PCDH11X: variants seen among roughly 807,000 people sequenced by gnomAD.
PCDH11X encodes protocadherin-11 X-linked.
A neutral mutation model predicts 53.3 loss-of-function variants in PCDH11X; 18 were observed. The ratio of observed to expected loss-of-function variants is 0.34; its 90% CI spans 0.23 to 0.50. The LOEUF is 0.50. PCDH11X is among the 20% of genes least tolerant of loss of function. The pLI, the probability that PCDH11X is intolerant of heterozygous loss-of-function variation, is 0.98. For missense variants in PCDH11X, 570 were observed against 1,032.4 expected, an observed-to-expected ratio of 0.55 and a Z score of 6.14; for synonymous variants, 279 against 393.3, an observed-to-expected ratio of 0.71 and a Z score of 3.44.
chrX:91,851,073 T>G (rs1315585579), intron 5 of PCDH11X, among the ~76,000 whole-genome samples: 2 of 109,360 alleles, frequency 1.8e-5, no homozygotes, highest in African/African-American at 6.6e-5. Flanking sequence ...CCTATTGTGT[T>G]TTTTTTCTGC....
At chrX:91,791,947 C>T (rs1160687600) in intron 1 of PCDH11X, among the ~76,000 whole-genome samples, 48 of 106,217 alleles carry the variant, frequency 4.5e-4, no homozygotes, top group Non-Finnish European at 7.4e-4. Context: ...CTGCAAGCTC[C>T]GCCTCCCGGG....
At chrX:92,362,200 G>C (rs1193533219) in intron 8 of PCDH11X, among the ~76,000 whole-genome samples, 1 of 109,545 alleles carries the variant, frequency 9.1e-6, no homozygotes, top group Non-Finnish European at 1.9e-5. Context: ...TAAATTATTT[G>C]AGAAATCGCT....
Position 91,977,416 on chromosome X carries a change from T to C in PCDH11X, c.3033+98143T>C, listed in dbSNP as rs775108107. Among the ~76,000 whole-genome samples, 138 of 112,062 alleles carry C rather than the reference T, an allele frequency of 1.2e-3. 1 individual carries two copies. The highest frequency in any genetic ancestry group is 4.3e-3 in the African/African-American group (133 of 30,875). On this transcript the variant is annotated intron_variant, in intron 6 of 10. Coordinates refer to ENST00000682573, the MANE Select transcript of PCDH11X (RefSeq NM_032968.5). ...TGCTAGGCCCAAATTATTTTCAATA[T>C]GTTAAAGAAAGAAATACCCCAAACC...
chrX:91,821,352 G>T (rs908449557), intron 4 of PCDH11X, among the ~76,000 whole-genome samples: 11 of 108,309 alleles, frequency 1.0e-4, no homozygotes, highest in South Asian at 4.1e-4. Flanking sequence ...ATTTCATTGA[G>T]CAGTGGTTTG....
At chrX:92,283,872 C>G in intron 8 of PCDH11X, among the ~76,000 whole-genome samples, 1 of 111,024 alleles carries the variant, frequency 9.0e-6, no homozygotes, top group Middle Eastern at 4.2e-3. Context: ...ATTTCTCTTA[C>G]TTTACTGTCC....
chrX:91,988,807 A>G (rs2062267676), intron 6 of PCDH11X, among the ~76,000 whole-genome samples: 1 of 111,535 alleles, frequency 9.0e-6, no homozygotes, highest in African/African-American at 3.3e-5. Flanking sequence ...GGAACTCAAT[A>G]CAATCGCTTA....
intron 5 of PCDH11X, among the ~76,000 whole-genome samples, chrX:91,846,549 C>T (rs1255250224): frequency 2.8e-5 from 3 of 107,209 alleles, no homozygotes; most frequent in Non-Finnish European, 5.8e-5. Flanking sequence ...ACCCGGGAGG[C>T]GGAGCTTGAA....
chrX:92,219,057 A>T (rs993259179), intron 7 of PCDH11X, among the ~76,000 whole-genome samples: 1 of 111,370 alleles, frequency 9.0e-6, no homozygotes, highest in Non-Finnish European at 1.9e-5. Context: ...CAAAATAATT[A>T]GAGCTATCTA....
intron 1 of PCDH11X, among the ~76,000 whole-genome samples, chrX:91,807,528 C>T (rs1321423164): frequency 1.8e-5 from 2 of 110,322 alleles, no homozygotes; most frequent in African/African-American, 6.6e-5. Context: ...TTTTAATTCA[C>T]CCACCAACAT....
In PCDH11X at chrX:91,962,900, A is replaced by G. The variant is rs768544232; in HGVS notation, c.3033+83627A>G. ...TCCAAAGTAACAGCCTGAGCTATAT[A>G]TTGGCCCCTTTTAATCATGGCTGGG... On this transcript the variant is annotated intron_variant, in intron 6 of 10. Transcript: ENST00000682573. Among the ~76,000 whole-genome samples the G allele has an allele frequency of 2.3e-3, 253 of 111,060 alleles. 3 individuals are homozygous for G. Among genetic ancestry groups the G allele is most frequent in the African/African-American group, 7.9e-3 (240 of 30,554 alleles).
intron 9 of PCDH11X, among the ~76,000 whole-genome samples, chrX:92,398,659 A>C (rs2071303794): frequency 9.0e-6 from 1 of 111,068 alleles, no homozygotes; most frequent in Middle Eastern, 4.7e-3. Context: ...AAAGTATATA[A>C]GACTAAATAA....
chrX:92,495,853 G>A (rs1438929154), intron 10 of PCDH11X, among the ~76,000 whole-genome samples: 3 of 105,744 alleles, frequency 2.8e-5, no homozygotes, highest in African/African-American at 1.1e-4. Context: ...GAGCGGTATG[G>A]GGGAAACTGC....
intron 9 of PCDH11X, among the ~76,000 whole-genome samples, chrX:92,448,895 G>T (rs937821155): frequency 1.9e-4 from 21 of 111,693 alleles, no homozygotes; most frequent in African/African-American, 6.2e-4. Context: ...TACAGCAACA[G>T]ATTTTCATAT....
rs1279945709 is a variant in PCDH11X at position 92,112,735 on chromosome X, A to G, written c.3034-88640A>G. On this transcript the variant is annotated intron_variant, in intron 6 of 10. Transcript: ENST00000682573. ...AATTTTGCTATTAGTTTGTTCAGCC[A>G]TTTTTCAATTTTTTTTTAAATCATG... Among the ~76,000 whole-genome samples the G allele has an allele frequency of 6.5e-5, 7 of 107,402 alleles. 1 individual carries two copies. The highest frequency in any genetic ancestry group is 2.6e-4 in the African/African-American group (7 of 27,218). The allele number at this position is 107,402 out of a possible 115,157, so 93.3% of individuals were successfully genotyped here. A position where few individuals can be genotyped will look rare whatever the true frequency, so the allele number is the denominator to read the frequency against.
intron 6 of PCDH11X, among the ~76,000 whole-genome samples, chrX:91,953,897 A>G (rs2525362): frequency 0.089 from 9,690 of 109,208 alleles, 590 homozygotes; most frequent in African/African-American, 0.18. Context: ...ACAAATGACA[A>G]CATAATAGTA....
chrX:92,185,391 C>A (rs1394559814), intron 6 of PCDH11X, among the ~76,000 whole-genome samples: 1 of 111,254 alleles, frequency 9.0e-6, no homozygotes, highest in East Asian at 2.8e-4. Context: ...ATGTCGGACC[C>A]AAAACTATAA....
intron 4 of PCDH11X, among the ~76,000 whole-genome samples, chrX:91,825,516 G>T (rs978883392): frequency 5.4e-5 from 6 of 111,893 alleles, no homozygotes; most frequent in African/African-American, 2.0e-4. Flanking sequence ...GTGAGGCAAT[G>T]CCTCGCCCTG....
chrX:91,880,213 A>C (rs1289246123), intron 6 of PCDH11X, among the ~76,000 whole-genome samples: 1 of 111,247 alleles, frequency 9.0e-6, no homozygotes, highest in African/African-American at 3.3e-5. Context: ...AATGATTTAA[A>C]TATAATTGTT....
intron 10 of PCDH11X, among the ~76,000 whole-genome samples, chrX:92,504,237 T>G (rs2074011443): frequency 9.3e-6 from 1 of 107,345 alleles, no homozygotes; most frequent in South Asian, 4.3e-4. Flanking sequence ...TAGTACCTGA[T>G]AGTTTTTCGA....
Sources: gnomAD v4.1 joint callset for allele counts (sites outside exome capture counted in the v4.1 genomes callset) on GRCh38, gnomAD v4.1.1 for gene constraint, MANE v1.5 for transcripts, NCBI Gene and HGNC (gene_info 2026-07-23, HGNC 2026-07-21) for gene names.